The following TSPAN6 variants were observed in gnomAD, a reference collection of about 807,000 sequenced individuals.
TSPAN6 encodes the protein tetraspanin-6.
TSPAN6 carries 13 observed loss-of-function variants against 18.0 expected under a neutral mutation model. The observed-to-expected ratio is 0.72, with a 90% CI of 0.47 to 1.15. The LOEUF (loss-of-function observed/expected upper bound fraction) is 1.15, where lower values mean the gene tolerates loss of function less well. Among genes scored for constraint, TSPAN6 ranks in the 50% most tolerant of loss-of-function variants. TSPAN6 has a pLI of 0.00. For synonymous variants in TSPAN6, 82 were observed against 67.0 expected (o/e 1.22, Z -1.09); for missense variants, 186 against 183.9 (o/e 1.01, Z -0.07).
At chrX:100,636,580 G>A (rs991153650) in intron 1 of TSPAN6, 28 bp downstream of exon 1, 77 of 1,185,526 alleles carry the variant, frequency 6.5e-5, no homozygotes, top group Non-Finnish European at 8.6e-5. Context: ...GGGATCCCCT[G>A]CCGGCCCCAG....
rs764722451 is a variant in TSPAN6 at position 100,636,661 on chromosome X, G to A, written c.34C>T (p.Pro12Ser). 1.7e-6 allele frequency: 2 copies of A among 1,206,604 alleles called. No homozygotes were observed. The highest frequency in any genetic ancestry group is 2.2e-6 in the Non-Finnish European group (2 of 892,970). ...ACGCTCTTGAAACAAGTAATGACTG[G>A]TTTAGTCTGCAGTCTCCGAGACGGG... ...ASPSRRLQTK[P>S]VITCFKSVLL... The change falls in exon 1 of 8, where the codon CCA becomes TCA. Residue 12 changes from proline (P) to serine (S), a missense_variant. Coordinates refer to ENST00000373020, the MANE Select transcript of TSPAN6 (RefSeq NM_003270.4).
chrX:100,632,235 A>G (rs1424453321), intron 6 of TSPAN6, among the ~76,000 whole-genome samples: 1 of 110,624 alleles, frequency 9.0e-6, no homozygotes, highest in Non-Finnish European at 1.9e-5. Context: ...TGAAACCCCA[A>G]CTCTACTAAA....
At chrX:100,634,838 A>G (rs1158772475) in intron 3 of TSPAN6, among the ~76,000 whole-genome samples, 1 of 111,932 alleles carries the variant, frequency 8.9e-6, no homozygotes, top group African/African-American at 3.2e-5. Context: ...AGTATATCCA[A>G]TCTTTTCAAA....
intron 3 of TSPAN6, among the ~76,000 whole-genome samples, chrX:100,634,628 A>G (rs1778582474): frequency 9.1e-6 from 1 of 109,861 alleles, no homozygotes; most frequent in African/African-American, 3.3e-5. Flanking sequence ...AGCAGCTGGG[A>G]CTACAGGCAC....
At chrX:100,630,247 C>T (rs756822635) in intron 7 of TSPAN6, among the ~76,000 whole-genome samples, 3 of 111,833 alleles carry the variant, frequency 2.7e-5, no homozygotes, top group Non-Finnish European at 3.8e-5. Context: ...GATGAGTTTA[C>T]GGTTTTAACA....
Position 100,635,247 on chromosome X carries a change from T to C in TSPAN6, c.282A>G (p.Ala94=). 8.4e-7 allele frequency: 1 copy of C among 1,184,965 alleles called. No homozygotes were observed. The highest frequency in any genetic ancestry group is 1.9e-5 in the South Asian group (1 of 54,000). ...RASAWMLKLY[A]MFLTLVFLVE... is the part of the protein sequence containing the mutation. ...CCAAAAAAACGAGAGTCAGAAACAT[T>C]GCATACTGCAGGATAAGAAAGAAAG... The change falls in exon 3 of 8, where the codon GCA becomes GCG. Residue 94 remains alanine (A), a synonymous_variant. Transcript: ENST00000373020.
At position 100,635,750 on chromosome X, in the gene TSPAN6, T is replaced by C. The variant is rs1453764030; in HGVS notation, c.88-4A>G. ...CAAGAAGGATAACGCCAGTGATCTA[T>C]GTGGGAATTCAGAGAATACAAACAG... On this transcript the variant is annotated splice_polypyrimidine_tract_variant and splice_region_variant and intron_variant, in intron 1 of 7. Transcript: ENST00000373020. The C allele has an allele frequency of 5.2e-6, 6 of 1,158,961 alleles. No individual in the cohort carries two copies. The highest frequency in any genetic ancestry group is 2.4e-4 in the Middle Eastern group (1 of 4,222).
intron 5 of TSPAN6, 131 bp downstream of exon 5, chrX:100,633,274 G>A (rs942240652): frequency 5.6e-5 from 32 of 568,037 alleles, no homozygotes; most frequent in African/African-American, 1.4e-4. Context: ...AGCCGAGAAC[G>A]CGCCACTGCA....
chrX:100,630,797 G>A lies in TSPAN6; in HGVS notation c.*1C>T, dbSNP rs1194140318. ...AGGAATAGGCCCACAGATACATTGG[G>A]TTACACTATCTCATACTGGTTATTT... On this transcript the variant is annotated 3_prime_UTR_variant, in exon 7 of 8. Transcript: ENST00000373020. 1.7e-5 allele frequency: 21 copies of A among 1,210,135 alleles called. No individual in the cohort carries two copies. The highest frequency in any genetic ancestry group is 2.3e-5 in the Non-Finnish European group (21 of 894,331).
At chrX:100,634,555 G>C (rs1039524228) in intron 3 of TSPAN6, among the ~76,000 whole-genome samples, 2 of 110,102 alleles carry the variant, frequency 1.8e-5, no homozygotes, top group African/African-American at 6.6e-5. Context: ...GCAGTGGCGC[G>C]ATCTCGGCTC....
rs889900957 is a variant in TSPAN6, at chrX:100,627,339, T to C, written c.*2687A>G. ...ATGAATTATTTTAAACATAGATATA[T>C]AGTGAAGTAAAATGTAAAATTCTCC... On this transcript the variant is annotated 3_prime_UTR_variant, in exon 8 of 8. Coordinates refer to ENST00000373020, the MANE Select transcript of TSPAN6 (RefSeq NM_003270.4). The C allele has an allele frequency of 1.8e-5, 2 of 111,775 alleles. No individual in the cohort carries two copies. Among genetic ancestry groups the C allele is most frequent in the African/African-American group, 3.3e-5 (1 of 30,707 alleles). The allele number at this position is 111,775 out of a possible 1,213,427, so 9.2% of individuals were successfully genotyped here.
At chrX:100,631,936 A>T (rs1254227450) in intron 6 of TSPAN6, 1 of 112,727 alleles carries the variant, frequency 8.9e-6, no homozygotes, top group African/African-American at 3.3e-5. Context: ...TTACATAGGT[A>T]TACACGTGCC....
In TSPAN6 at chrX:100,635,868, G is replaced by A. The variant is rs761522245; in HGVS notation, c.88-122C>T. The A allele has an allele frequency of 1.1e-5, 6 of 532,238 alleles. No homozygotes were observed. In the African/African-American group the frequency reaches 1.5e-4, roughly 13 times the overall value. 43.9% of individuals were successfully genotyped at this position (532,238 alleles called of 1,213,427 possible). ...ATATGCTGGGATACGGCAGACAAGGGGGAAGAGTAGAAGGGGTTAGGGGGG... is the reference window on the plus strand; with the variant it reads ...ATATGCTGGGATACGGCAGACAAGGAGGAAGAGTAGAAGGGGTTAGGGGGG... On this transcript the variant is annotated intron_variant, in intron 1 of 7. Transcript: ENST00000373020.
rs1250494383 is a variant in TSPAN6 at position 100,635,731 on chromosome X, G to A, written c.103C>T (p.Leu35Phe). ...TFIFWITGVI[L>F]LAVGIWGKVS... The stretch of plus-strand genomic sequence containing the variant: ...TTGCCCCAAATGCCAACTGCAAGAA[G>A]GATAACGCCAGTGATCTATGTGGGA... The change falls in exon 2 of 8, where the codon CTT becomes TTT. Residue 35 changes from leucine to phenylalanine, a missense_variant. By Grantham distance (22) the Leu-to-Phe change is conservative. Transcript: ENST00000373020. The A allele has an allele frequency of 8.5e-7, 1 of 1,174,160 alleles. No individual in the cohort carries two copies. The highest frequency in any genetic ancestry group is 2.4e-5 in the Admixed American group (1 of 41,626).
intron 1 of TSPAN6, chrX:100,636,178 A>G: frequency 3.8e-6 from 3 of 792,099 alleles, no homozygotes; most frequent in Non-Finnish European, 4.5e-6. Flanking sequence ...GAGTGGAGGC[A>G]TACCATACTT....
intron 6 of TSPAN6, among the ~76,000 whole-genome samples, chrX:100,631,846 G>T (rs745875910): frequency 9.0e-6 from 1 of 111,340 alleles, no homozygotes; most frequent in Admixed American, 9.6e-5. Flanking sequence ...ACTGCTACAA[G>T]TTAATTCTAA....
intron 6 of TSPAN6, among the ~76,000 whole-genome samples, chrX:100,631,911 T>C (rs1344077581): frequency 9.0e-6 from 1 of 111,235 alleles, no homozygotes; most frequent in Non-Finnish European, 1.9e-5. Flanking sequence ...GGGATACATG[T>C]GCAGAACGTG....
chrX:100,636,051 G>GAA lies in TSPAN6; in HGVS notation c.88-307_88-306dup, dbSNP rs777955566. 8.2e-4 allele frequency: 406 copies of GAA among 495,749 alleles called. No individual in the cohort carries two copies. The African/African-American group carries it at 8.5e-3, about 10-fold the overall frequency. The allele number at this position is 495,749 out of a possible 1,213,427, so 40.9% of individuals were successfully genotyped here. A position where few individuals can be genotyped will look rare whatever the true frequency, so the allele number is the denominator to read the frequency against. On this transcript the variant is annotated intron_variant, in intron 1 of 7. Transcript: ENST00000373020. Reference sequence around the variant, plus strand: ...ACCTTAGGAAGAAAACCTTGAAGGGGAAAAAAAAAACGTGATTTTATGAGT... The same window carrying GAA: ...ACCTTAGGAAGAAAACCTTGAAGGGGAAAAAAAAAAAACGTGATTTTATGAGT...
intron 3 of TSPAN6, among the ~76,000 whole-genome samples, chrX:100,634,778 C>T (rs1287402436): frequency 1.8e-5 from 2 of 111,875 alleles, no homozygotes; most frequent in African/African-American, 3.2e-5. Flanking sequence ...GGATTACAGG[C>T]GTGAGCCAAC....
Sources: allele counts gnomAD v4.1 joint callset (sites outside exome capture counted in the v4.1 genomes callset), GRCh38; gene constraint gnomAD v4.1.1; transcripts MANE v1.5; gene names NCBI Gene and HGNC (gene_info 2026-07-23, HGNC 2026-07-21).